The following SMARCC1 variants were observed in gnomAD, a reference collection of about 807,000 sequenced individuals.
The protein encoded by SMARCC1 is SWI/SNF related BAF chromatin remodeling complex subunit C1.
A neutral mutation model predicts 147.4 loss-of-function variants in SMARCC1; 43 were observed. That is an observed-to-expected ratio of 0.29 (90% CI 0.23 to 0.38). The LOEUF is 0.38. Ranked by LOEUF, SMARCC1 falls within the 10% of genes least tolerant of loss-of-function variation. SMARCC1 has a pLI of 1.00. For synonymous variants in SMARCC1, 495 were observed against 484.4 expected (o/e 1.02, Z -0.29); for missense variants, 1,119 against 1,381.1 (o/e 0.81, Z 3.01).
intron 1 of SMARCC1, among the ~76,000 whole-genome samples, 156 bp from the exon 2 acceptor site, chr3:47,773,092 T>C (rs189350416): frequency 1.1e-4 from 17 of 152,252 alleles, no homozygotes; most frequent in East Asian, 3.9e-4. Flanking sequence ...AAAACAAATA[T>C]GTGTGTGCAT....
At chr3:47,696,061 T>G in intron 11 of SMARCC1, among the ~76,000 whole-genome samples, 1 of 90,720 alleles carries the variant, frequency 1.1e-5, no homozygotes. Context: ...AGCAAGACGC[T>G]GTCTCAAAAA....
chr3:47,778,723 T>C (rs759223618), intron 1 of SMARCC1, among the ~76,000 whole-genome samples: 5 of 152,160 alleles, frequency 3.3e-5, no homozygotes, highest in Non-Finnish European at 7.4e-5. Flanking sequence ...CCAAGTGTGG[T>C]GGCTCACACT....
chr3:47,653,201 C>T (rs1047558461), intron 21 of SMARCC1, among the ~76,000 whole-genome samples: 24 of 152,196 alleles, frequency 1.6e-4, no homozygotes, highest in Non-Finnish European at 3.1e-4. Context: ...TCATGATCCA[C>T]CCGCCTCGGC....
chr3:47,772,339 G>A (rs1451406821), intron 2 of SMARCC1, among the ~76,000 whole-genome samples: 2 of 152,140 alleles, frequency 1.3e-5, no homozygotes, highest in South Asian at 2.1e-4. Flanking sequence ...GCTGCAGTGC[G>A]CTGTGATCAA....
rs746293054 is a variant in SMARCC1, at chr3:47,675,629, A to G, written c.1726-41T>C. 87 of 1,084,974 alleles carry G rather than the reference A, an allele frequency of 8.0e-5. No individual in the cohort carries two copies. In the Admixed American group the frequency reaches 1.5e-3, roughly 18 times the overall value. The allele number at this position is 1,084,974 out of a possible 1,614,324, so 67.2% of individuals were successfully genotyped here. On this transcript the variant is annotated intron_variant, in intron 17 of 27. Coordinates refer to ENST00000254480, the MANE Select transcript of SMARCC1 (RefSeq NM_003074.4). ...GATAAATGGCTGAGTTAGCCTCTTT[A>G]AAGTCAAGAGGGTAAATGTTTTTAA...
At chr3:47,742,729 T>C (rs1479076994) in intron 3 of SMARCC1, among the ~76,000 whole-genome samples, 1 of 152,092 alleles carries the variant, frequency 6.6e-6, no homozygotes, top group Non-Finnish European at 1.5e-5. Context: ...ACTATAGGCA[T>C]GCACCACCAC....
intron 6 of SMARCC1, among the ~76,000 whole-genome samples, chr3:47,727,309 C>T (rs2034311236): frequency 6.6e-6 from 1 of 151,948 alleles, no homozygotes; most frequent in South Asian, 2.1e-4. Context: ...GAGTTCGAGA[C>T]CAACCTGGCC....
At chr3:47,635,513 T>G (rs916630385) in intron 23 of SMARCC1, among the ~76,000 whole-genome samples, 169 bp from the exon 24 acceptor site, 1 of 152,220 alleles carries the variant, frequency 6.6e-6, no homozygotes, top group Non-Finnish European at 1.5e-5. Context: ...TAGGTTTGCC[T>G]CTATTGGGGA....
chr3:47,720,280 C>T (rs1310620317), intron 7 of SMARCC1, among the ~76,000 whole-genome samples: 1 of 151,510 alleles, frequency 6.6e-6, no homozygotes, highest in Non-Finnish European at 1.5e-5. Flanking sequence ...CCTGCCACCA[C>T]GTCTGGCTAA....
chr3:47,748,208 T>C (rs1464960718), intron 2 of SMARCC1, among the ~76,000 whole-genome samples: 1 of 151,886 alleles, frequency 6.6e-6, no homozygotes, highest in African/African-American at 2.4e-5. Flanking sequence ...AGTGAACACT[T>C]TTATTATACT....
chr3:47,773,119 C>T (rs778536209), intron 1 of SMARCC1, among the ~76,000 whole-genome samples, 183 bp from the exon 2 acceptor site: 4 of 152,040 alleles, frequency 2.6e-5, no homozygotes, highest in East Asian at 3.9e-4. Context: ...ATGGTTAAGA[C>T]GGTTAATTTT....
chr3:47,730,773 G>A (rs749563859), intron 5 of SMARCC1, among the ~76,000 whole-genome samples: 21 of 151,932 alleles, frequency 1.4e-4, no homozygotes, highest in Non-Finnish European at 1.6e-4. Context: ...GGCTGAGGCA[G>A]GAGAATCCCT....
intron 21 of SMARCC1, among the ~76,000 whole-genome samples, chr3:47,652,172 T>C (rs962947596): frequency 3.9e-5 from 6 of 152,130 alleles, no homozygotes; most frequent in African/African-American, 7.2e-5. Flanking sequence ...GATGGGGTCT[T>C]GCTATGTTGA....
chr3:47,724,217 T>C (rs1452858396), intron 6 of SMARCC1, among the ~76,000 whole-genome samples: 1 of 152,198 alleles, frequency 6.6e-6, no homozygotes, highest in African/African-American at 2.4e-5. Context: ...CCCATGTTCA[T>C]TACAGCAGTA....
At chr3:47,663,330 A>G (rs1380704615) in intron 19 of SMARCC1, among the ~76,000 whole-genome samples, 1 of 152,090 alleles carries the variant, frequency 6.6e-6, no homozygotes, top group African/African-American at 2.4e-5. Flanking sequence ...AAGCTATAAA[A>G]AAAAGTACTA....
chr3:47,675,332 A>G (rs999464843), intron 18 of SMARCC1, 143 bp downstream of exon 18: 6 of 456,054 alleles, frequency 1.3e-5, no homozygotes, highest in African/African-American at 1.0e-4. Flanking sequence ...CCTATCTACT[A>G]AGTCATATAG....
At position 47,586,118 on chromosome 3, in the gene SMARCC1, C is replaced by CA. The variant is rs1403985020; in HGVS notation, c.*2090dup. ...CAAAGACATGAAAAGAAAAAGCCAC[C>CA]ACTTATACTGAAATATAACAGTGTT... is the stretch of plus-strand genomic sequence containing the variant. On this transcript the variant is annotated 3_prime_UTR_variant, in exon 28 of 28. Transcript: ENST00000254480. 6.6e-6 allele frequency: 1 copy of CA among 152,422 alleles called. No individual in the cohort carries two copies. The highest frequency in any genetic ancestry group is 1.5e-5 in the Non-Finnish European group (1 of 68,010). 9.4% of individuals were successfully genotyped at this position (152,422 alleles called of 1,614,324 possible).
chr3:47,628,993 G>GA, intron 24 of SMARCC1, among the ~76,000 whole-genome samples: 1 of 152,316 alleles, frequency 6.6e-6, no homozygotes, highest in East Asian at 1.9e-4. Flanking sequence ...AATGGAAAAG[G>GA]AAAAAGACTC....
At chr3:47,777,777 C>T (rs920956396) in intron 1 of SMARCC1, among the ~76,000 whole-genome samples, 3 of 151,996 alleles carry the variant, frequency 2.0e-5, no homozygotes. Context: ...ATCCACCGGC[C>T]TCGGTCTCCC....
Sources: allele counts gnomAD v4.1 joint callset (sites outside exome capture counted in the v4.1 genomes callset), GRCh38; gene constraint gnomAD v4.1.1; transcripts MANE v1.5; gene names NCBI Gene and HGNC (gene_info 2026-07-23, HGNC 2026-07-21).